Variants in COL4A4 observed in about 807,000 individuals in gnomAD.
COL4A4 encodes collagen alpha-4(IV) chain.
In COL4A4, 105 loss-of-function variants were observed where a neutral mutation model predicts 192.9. The ratio of observed to expected loss-of-function variants is 0.54; its 90% CI spans 0.46 to 0.64. COL4A4 has a LOEUF of 0.64. Among genes scored for constraint, COL4A4 ranks in the 30% least tolerant of loss-of-function variants. The pLI, the probability that COL4A4 is intolerant of heterozygous loss-of-function variation, is 0.00. For missense variants in COL4A4, 1,967 were observed against 2,169.3 expected (o/e 0.91, Z 1.85); for synonymous variants, 762 against 769.9 (o/e 0.99, Z 0.17).
intron 33 of COL4A4, 89 bp from the exon 34 acceptor site, chr2:227,050,220 C>T (rs537405531): frequency 2.3e-6 from 3 of 1,298,598 alleles, no homozygotes; most frequent in Non-Finnish European, 3.4e-6. Flanking sequence ...TTTTCTGTAA[C>T]TAATTTGGTT....
rs766198152 is a variant in COL4A4, at chr2:227,089,941, A to G, written c.1386T>C (p.Val462=). ...LPGSSVIYCS[V]GNPGPQGIKG... is the part of the protein sequence containing the mutation. ...TTATTCCTTGTGGTCCGGGGTTCCCAACACTACAGTATATCACTGTCAAGG... is the reference window on the plus strand; with the variant it reads ...TTATTCCTTGTGGTCCGGGGTTCCCGACACTACAGTATATCACTGTCAAGG... The change falls in exon 21 of 48, where the codon GTT becomes GTC. Residue 462 remains valine (V), a synonymous_variant. Coordinates refer to ENST00000396625, the MANE Select transcript of COL4A4 (RefSeq NM_000092.5). The G allele has an allele frequency of 6.2e-7, 1 of 1,613,612 alleles. No homozygotes were observed. The highest frequency in any genetic ancestry group is 1.1e-5 in the South Asian group (1 of 91,068).
At chr2:227,152,430 A>T (rs1365456400) in intron 1 of COL4A4, among the ~76,000 whole-genome samples, 1 of 152,218 alleles carries the variant, frequency 6.6e-6, no homozygotes. Context: ...CATGTGCTTC[A>T]GTTTGAAGAT....
chr2:227,002,163 T>A (rs1961131143), downstream of COL4A4, among the ~76,000 whole-genome samples: 1 of 99,384 alleles, frequency 1.0e-5, no homozygotes, highest in Non-Finnish European at 1.8e-5. Flanking sequence ...GGCAAGACCC[T>A]GTCTCAAAAA....
chr2:227,088,458 T>A (rs961475729), intron 22 of COL4A4, among the ~76,000 whole-genome samples, 195 bp downstream of exon 22: 2 of 152,194 alleles, frequency 1.3e-5, no homozygotes, highest in Admixed American at 6.5e-5. Flanking sequence ...TGCTGTCGTG[T>A]AAGACATGCC....
At chr2:226,971,348 A>G in the COL4A4 span, among the ~76,000 whole-genome samples, 1 of 152,222 alleles carries the variant, frequency 6.6e-6, no homozygotes, top group African/African-American at 2.4e-5. Flanking sequence ...TCTGGTGTCG[A>G]AGGACGTCTG....
intron 22 of COL4A4, among the ~76,000 whole-genome samples, 158 bp downstream of exon 22, chr2:227,088,495 G>A (rs2059721653): frequency 6.6e-6 from 1 of 152,170 alleles, no homozygotes. Context: ...ATGATTGTAA[G>A]TTTCCTGAGG....
intron 46 of COL4A4, among the ~76,000 whole-genome samples, chr2:227,009,133 T>G (rs1417572506): frequency 6.6e-6 from 1 of 152,224 alleles, no homozygotes; most frequent in Non-Finnish European, 1.5e-5. Context: ...CCCCTTGTGA[T>G]GGGAAAGGCC....
intron 31 of COL4A4, among the ~76,000 whole-genome samples, chr2:227,053,956 C>T (rs1391622669): frequency 6.6e-6 from 1 of 152,100 alleles, no homozygotes; most frequent in Non-Finnish European, 1.5e-5. Flanking sequence ...GGGCCAAATC[C>T]TTCCTGCTGC....
rs1313070067 is a variant in COL4A4 at position 227,119,947 on chromosome 2, C to G, written c.328-8G>C. On this transcript the variant is annotated splice_region_variant and splice_polypyrimidine_tract_variant and intron_variant, in intron 5 of 47. Coordinates refer to ENST00000396625, the MANE Select transcript of COL4A4 (RefSeq NM_000092.5). ...AGGAACACCAGTTGGACCCTAAAAT[C>G]CCAGAAAATAAAACAAAGAGATAAA... 3 of 1,568,942 alleles carry G rather than the reference C, an allele frequency of 1.9e-6. No individual in the cohort carries two copies. Among genetic ancestry groups the G allele is most frequent in the African/African-American group, 1.4e-5 (1 of 73,350 alleles).
At chr2:227,010,931 A>G (rs1008770587) in intron 45 of COL4A4, among the ~76,000 whole-genome samples, 1 of 152,178 alleles carries the variant, frequency 6.6e-6, no homozygotes, top group Non-Finnish European at 1.5e-5. Context: ...GTGCTCCCCA[A>G]AGTCGGTCTT....
chr2:227,042,427 A>C (rs867736326), intron 36 of COL4A4, among the ~76,000 whole-genome samples, 172 bp from the exon 37 acceptor site: 1 of 152,226 alleles, frequency 6.6e-6, no homozygotes, highest in African/African-American at 2.4e-5. Flanking sequence ...CAGGAGGAGA[A>C]AATACATTTC....
chr2:227,156,121 G>A lies in COL4A4; in HGVS notation c.-102+7886C>T, dbSNP rs563429329. Among the ~76,000 whole-genome samples the A allele has an allele frequency of 1.6e-4, 25 of 152,016 alleles. No individual in the cohort carries two copies. In the South Asian group the frequency reaches 4.6e-3, roughly 28 times the overall value. ...AAGCAATAAACATAAAAACCCGGCC[G>A]GGTGTGGTGGCTCACACCTGCAATC... On this transcript the variant is annotated intron_variant, in intron 1 of 47. Transcript: ENST00000396625.
chr2:227,010,248 A>G (rs1281380678), intron 46 of COL4A4, 65 bp downstream of exon 46: 2 of 1,523,104 alleles, frequency 1.3e-6, no homozygotes, highest in South Asian at 1.1e-5. Context: ...GTGCTGATGA[A>G]TCAGTAAAAT....
rs1041679075 is a variant in COL4A4, at chr2:227,062,702, T to A, written c.1988-104A>T. ...TCAAGATATTTTTCTGTATAGTATA[T>A]GCAGAAGTCAAAGAAAAAGAAGACT... On this transcript the variant is annotated intron_variant, in intron 25 of 47. Coordinates refer to ENST00000396625, the MANE Select transcript of COL4A4 (RefSeq NM_000092.5). 5 of 805,276 alleles carry A rather than the reference T, an allele frequency of 6.2e-6. No homozygotes were observed. The Admixed American group carries it at 1.0e-4, about 17-fold the overall frequency. The allele number at this position is 805,276 out of a possible 1,614,324, so 49.9% of individuals were successfully genotyped here.
intron 7 of COL4A4, among the ~76,000 whole-genome samples, chr2:227,115,577 T>C (rs1316562021): frequency 6.6e-6 from 1 of 151,358 alleles, no homozygotes; most frequent in Non-Finnish European, 1.5e-5. Context: ...CGGCCCCTAC[T>C]TCAATTCTTA....
intron 42 of COL4A4, among the ~76,000 whole-genome samples, chr2:227,027,638 AATAT>A (rs55816470): frequency 6.7e-6 from 1 of 149,604 alleles, no homozygotes; most frequent in African/African-American, 2.4e-5. Context: ...TATAATAAAA[AATAT>A]ATATATATAG....
the COL4A4 span, among the ~76,000 whole-genome samples, chr2:226,992,160 T>C: frequency 1.3e-5 from 2 of 152,182 alleles, no homozygotes; most frequent in South Asian, 2.1e-4. Flanking sequence ...ATTTGACACA[T>C]GAATGCAAAG....
intron 26 of COL4A4, among the ~76,000 whole-genome samples, chr2:227,060,578 GCCC>G (rs1976697126): frequency 1.3e-5 from 2 of 152,148 alleles, no homozygotes; most frequent in Admixed American, 1.3e-4. Context: ...ACCATTGTCT[GCCC>G]TTGTAGGGGT....
intron 12 of COL4A4, among the ~76,000 whole-genome samples, chr2:227,108,375 C>T (rs796805051): frequency 5.9e-5 from 9 of 152,180 alleles, no homozygotes; most frequent in African/African-American, 1.2e-4. Flanking sequence ...CAAATTAACC[C>T]GAAAGTAGTG....
Sources: allele counts gnomAD v4.1 joint callset (sites outside exome capture counted in the v4.1 genomes callset), GRCh38; gene constraint gnomAD v4.1.1; transcripts MANE v1.5; gene names NCBI Gene and HGNC (gene_info 2026-07-23, HGNC 2026-07-21).